CTBP1: variants seen among roughly 807,000 people sequenced by gnomAD.
CTBP1 encodes the protein C-terminal binding protein 1, also known as C-terminal-binding protein 1.
CTBP1 carries 11 observed loss-of-function variants against 42.1 expected under a neutral mutation model. The observed-to-expected ratio is 0.26, with a 90% confidence interval of 0.16 to 0.43. The LOEUF (loss-of-function observed/expected upper bound fraction) is 0.43. Among genes scored for constraint, CTBP1 ranks in the 20% least tolerant of loss-of-function variants. The pLI is 1.00. For synonymous variants in CTBP1, 324 were observed against 277.1 expected, an observed-to-expected ratio of 1.17 and a Z score of -1.68; for missense variants, 399 against 624.3, an observed-to-expected ratio of 0.64 and a Z score of 3.85.
chr4:1,242,675 G>A (rs890998437), intron 1 of CTBP1: 100 of 985,290 alleles, frequency 1.0e-4, no homozygotes, highest in Non-Finnish European at 1.2e-4. Context: ...ACTCCCTGAC[G>A]GAGGGCCCAA....
At chr4:1,239,547 G>A (rs1028189869) in intron 2 of CTBP1, among the ~76,000 whole-genome samples, 6 of 152,230 alleles carry the variant, frequency 3.9e-5, no homozygotes, top group African/African-American at 1.2e-4. Context: ...AGAGGCCACC[G>A]AGCTGCCAGT....
chr4:1,227,538 A>G (rs1248876717), intron 4 of CTBP1, among the ~76,000 whole-genome samples: 43 of 140,898 alleles, frequency 3.1e-4, no homozygotes, highest in African/African-American at 1.1e-3. Flanking sequence ...CTGAGTGCAC[A>G]TGCATGGCTG....
intron 3 of CTBP1, among the ~76,000 whole-genome samples, chr4:1,229,450 G>C (rs905499340): frequency 1.3e-5 from 2 of 152,240 alleles, no homozygotes; most frequent in African/African-American, 4.8e-5. Context: ...GGAGACACCA[G>C]TGAGCCTCCC....
intron 5 of CTBP1, among the ~76,000 whole-genome samples, chr4:1,223,945 A>G (rs1730026330): frequency 6.6e-6 from 1 of 152,218 alleles, no homozygotes; most frequent in Non-Finnish European, 1.5e-5. Context: ...GGCGGCTGCA[A>G]AGCGAGTGGG....
chr4:1,213,444 C>T lies in CTBP1; in HGVS notation c.988+34G>A, dbSNP rs763585390. 2.2e-5 allele frequency: 36 copies of T among 1,603,310 alleles called. 1 individual carries two copies. The highest frequency in any genetic ancestry group is 6.7e-5 in the East Asian group (3 of 44,842). On this transcript the variant is annotated intron_variant, in intron 8 of 9. Transcript: ENST00000382952. The stretch of plus-strand genomic sequence containing the variant: ...AGCATCTGGGGCTGGCAGGAAGGGA[C>T]CCCCAGGCCTGACCGAGCGGCCCCC...
intron 1 of CTBP1, chr4:1,242,940 T>C (rs1732328950): frequency 1.0e-6 from 1 of 984,474 alleles, no homozygotes; most frequent in Non-Finnish European, 1.2e-6. Flanking sequence ...CGCCAGCCGA[T>C]ACTCATCAAT....
At chr4:1,218,925 T>C (rs781048736) in intron 5 of CTBP1, among the ~76,000 whole-genome samples, 1 of 152,158 alleles carries the variant, frequency 6.6e-6, no homozygotes, top group Non-Finnish European at 1.5e-5. Context: ...ATCCAAATCA[T>C]CAGCAATTAC....
At chr4:1,215,088 G>A (rs1004619929) in intron 6 of CTBP1, among the ~76,000 whole-genome samples, 2 of 152,196 alleles carry the variant, frequency 1.3e-5, no homozygotes, top group South Asian at 2.1e-4. Flanking sequence ...GGCAGGTCAC[G>A]GTGGCTTTTC....
chr4:1,237,464 C>A (rs1577066482), intron 3 of CTBP1: 2 of 682,240 alleles, frequency 2.9e-6, no homozygotes, highest in East Asian at 5.6e-5. Context: ...CAGTGAAAAC[C>A]CGGTGTTCAC....
At chr4:1,221,794 T>C in intron 5 of CTBP1, 1 of 445,890 alleles carries the variant, frequency 2.2e-6, no homozygotes, top group Non-Finnish European at 4.5e-6. Context: ...GTCAACGTGC[T>C]GGTGGGTTCA....
chr4:1,237,011 C>G, intron 3 of CTBP1: 1 of 670,642 alleles, frequency 1.5e-6, no homozygotes, highest in East Asian at 2.7e-5. Flanking sequence ...TGATGGGGCA[C>G]AGGGCAAACC....
Position 1,225,436 on chromosome 4 carries a change from C to T in CTBP1, c.438G>A (p.Gln146=). ...HQALREGTRV[Q]SVEQIREVAS... Reference sequence around the variant, plus strand: ...CCACCTCGCGGATCTGCTCGACGCTCTGGACTCGTGTGCCCTCCCGCAGCG... The same window carrying T: ...CCACCTCGCGGATCTGCTCGACGCTTTGGACTCGTGTGCCCTCCCGCAGCG... The change falls in exon 5 of 10, where the codon CAG becomes CAA. Residue 146 remains glutamine, a synonymous_variant. Transcript: ENST00000382952. 1 of 1,550,980 alleles carries T rather than the reference C, an allele frequency of 6.4e-7. No individual in the cohort carries two copies.
intron 1 of CTBP1, chr4:1,245,032 G>A: frequency 1.0e-6 from 1 of 985,444 alleles, no homozygotes; most frequent in Non-Finnish European, 1.2e-6. Flanking sequence ...CCACTGGGCT[G>A]AGAGCACGGG....
chr4:1,246,143 C>T (rs1732696193), intron 1 of CTBP1, among the ~76,000 whole-genome samples: 1 of 152,222 alleles, frequency 6.6e-6, no homozygotes. Flanking sequence ...TACCACGACC[C>T]AGTGCGGGGG....
Position 1,248,989 on chromosome 4 carries a change from TCCGGCGCGCTGCGCCGCCGCGAGC to T in CTBP1, c.-286_-263del, listed in dbSNP as rs922438032. The T allele has an allele frequency of 6.2e-6, 6 of 965,726 alleles. No homozygotes were observed. Among genetic ancestry groups the T allele is most frequent in the South Asian group, 4.5e-5 (1 of 22,010 alleles). 59.8% of individuals were successfully genotyped at this position (965,726 alleles called of 1,614,324 possible). A position where few individuals can be genotyped will look rare whatever the true frequency, so the allele number is the denominator to read the frequency against. ...GCGAGCGGCCGCGGGCCCCGACCAC[TCCGGCGCGCTGCGCCGCCGCGAGC>T]CCGGCGCGTGGGGCGGCCTCGGCGC... is the stretch of plus-strand genomic sequence containing the variant. On this transcript the variant is annotated 5_prime_UTR_variant, in exon 1 of 10. Transcript: ENST00000382952.
intron 5 of CTBP1, chr4:1,216,925 C>T (rs909223048): frequency 6.5e-6 from 1 of 153,062 alleles, no homozygotes; most frequent in African/African-American, 2.4e-5. Context: ...ACCCCAAGCC[C>T]GCGAACGTGG....
intron 3 of CTBP1, among the ~76,000 whole-genome samples, chr4:1,229,723 C>A (rs371400931): frequency 1.3e-5 from 2 of 152,186 alleles, no homozygotes; most frequent in African/African-American, 4.8e-5. Context: ...GTGAGGGCAG[C>A]CCCCAGGAAG....
chr4:1,245,678 C>T, intron 1 of CTBP1: 1 of 983,146 alleles, frequency 1.0e-6, no homozygotes, highest in Non-Finnish European at 1.2e-6. Context: ...GGCAGGGTGG[C>T]ACGGGTGGGC....
chr4:1,245,526 C>T (rs1732626101), intron 1 of CTBP1: 6 of 985,348 alleles, frequency 6.1e-6, no homozygotes, highest in Non-Finnish European at 7.2e-6. Flanking sequence ...CCAGGAGCCC[C>T]CACACCACAG....
Sources: allele counts gnomAD v4.1 joint callset (sites outside exome capture counted in the v4.1 genomes callset), GRCh38; gene constraint gnomAD v4.1.1; transcripts MANE v1.5; gene names NCBI Gene and HGNC (gene_info 2026-07-23, HGNC 2026-07-21).